The following ARFGEF1 variants were observed in gnomAD, a reference collection of about 807,000 sequenced individuals.
ARFGEF1 encodes the protein brefeldin A-inhibited guanine nucleotide-exchange protein 1.
In ARFGEF1, 42 loss-of-function variants were observed where a neutral mutation model predicts 231.0. The observed-to-expected ratio is 0.18, with a 90% CI of 0.14 to 0.24. The LOEUF (loss-of-function observed/expected upper bound fraction) is 0.24, where lower values mean the gene tolerates loss of function less well. Among genes scored for constraint, ARFGEF1 ranks in the 10% least tolerant of loss-of-function variants. The pLI is 1.00. For synonymous variants in ARFGEF1, 710 were observed against 732.3 expected (o/e 0.97, Z 0.49); for missense variants, 1,345 against 2,192.0 (o/e 0.61, Z 7.72).
intron 14 of ARFGEF1, among the ~76,000 whole-genome samples, chr8:67,261,282 G>GC (rs2128891097): frequency 6.6e-6 from 1 of 152,364 alleles, no homozygotes; most frequent in East Asian, 1.9e-4. Context: ...GGGAGGAGAA[G>GC]TTAATGCCTG....
At chr8:67,293,434 C>CA (rs768604190) in intron 5 of ARFGEF1, among the ~76,000 whole-genome samples, 10 of 151,870 alleles carry the variant, frequency 6.6e-5, no homozygotes, top group Non-Finnish European at 1.5e-4. Context: ...TAAAAAGTGA[C>CA]AAAAATATTT....
At chr8:67,339,048 G>A (rs550784459) in intron 1 of ARFGEF1, among the ~76,000 whole-genome samples, 223 of 152,244 alleles carry the variant, frequency 1.5e-3, no homozygotes, top group African/African-American at 5.1e-3. Flanking sequence ...AGGGGCAGAA[G>A]GAAGCAAGTT....
At chr8:67,201,998 G>C (rs1838346987) in intron 36 of ARFGEF1, 1 of 189,638 alleles carries the variant, frequency 5.3e-6, no homozygotes, top group Non-Finnish European at 1.1e-5. Flanking sequence ...GGCTCTATCA[G>C]CTCAGCAGGA....
chr8:67,236,360 A>AAAAAAAAATAT (rs1839747347), intron 22 of ARFGEF1, among the ~76,000 whole-genome samples: 1 of 43,276 alleles, frequency 2.3e-5, no homozygotes, highest in African/African-American at 1.1e-4. Context: ...AAAAAAAAAA[A>AAAAAAAAATAT]AAAAAATATA....
chr8:67,232,547 G>C (rs1020802214), intron 23 of ARFGEF1, among the ~76,000 whole-genome samples: 1 of 151,920 alleles, frequency 6.6e-6, no homozygotes, highest in African/African-American at 2.4e-5. Flanking sequence ...GGGATAATAA[G>C]GGGAATAAGT....
At chr8:67,272,543 T>C (rs552024066) in intron 9 of ARFGEF1, among the ~76,000 whole-genome samples, 1 of 152,072 alleles carries the variant, frequency 6.6e-6, no homozygotes, top group South Asian at 2.1e-4. Context: ...AAGAAAAAAA[T>C]AGTGTGAAGA....
At chr8:67,309,413 T>C (rs1054886423) in intron 1 of ARFGEF1, among the ~76,000 whole-genome samples, 12 of 152,254 alleles carry the variant, frequency 7.9e-5, no homozygotes, top group Non-Finnish European at 1.5e-4. Flanking sequence ...AGTTACATAG[T>C]ATGCAGACAT....
rs371831855 is a variant in ARFGEF1 at position 67,338,708 on chromosome 8, C to T, written c.124+4456G>A. ...AGAAAAGAACAAATACAAATAGGAT[C>T]AATCTTTCGGTTATGTCATTAATTA... On this transcript the variant is annotated intron_variant, in intron 1 of 38. Transcript: ENST00000262215. Among the ~76,000 whole-genome samples the T allele has an allele frequency of 8.5e-4, 130 of 152,324 alleles. 2 individuals carry two copies. Among genetic ancestry groups the T allele is most frequent in the South Asian group, 2.3e-3 (11 of 4,828 alleles).
intron 5 of ARFGEF1, among the ~76,000 whole-genome samples, chr8:67,188,925 T>C (rs186151318): frequency 4.2e-4 from 64 of 152,282 alleles, no homozygotes; most frequent in Non-Finnish European, 8.8e-4. Context: ...CAAGATTCCA[T>C]TCCTTGGAAT....
chr8:67,231,458 T>C (rs1839550214), intron 23 of ARFGEF1, among the ~76,000 whole-genome samples: 1 of 152,074 alleles, frequency 6.6e-6, no homozygotes, highest in Non-Finnish European at 1.5e-5. Context: ...AGAGGTAATT[T>C]CAAATGAGTA....
intron 29 of ARFGEF1, among the ~76,000 whole-genome samples, chr8:67,221,088 C>T (rs998608029): frequency 2.6e-5 from 4 of 152,050 alleles, no homozygotes; most frequent in African/African-American, 9.7e-5. Flanking sequence ...GATTGTAGGG[C>T]AACACTTTAC....
intron 1 of ARFGEF1, among the ~76,000 whole-genome samples, chr8:67,336,039 G>A (rs149586102): frequency 0.016 from 2,371 of 152,290 alleles, 63 homozygotes; most frequent in African/African-American, 0.053. Flanking sequence ...GTGAGCCACC[G>A]CGCCCGGCCA....
chr8:67,261,948 C>A, intron 14 of ARFGEF1, among the ~76,000 whole-genome samples: 1 of 151,722 alleles, frequency 6.6e-6, no homozygotes, highest in East Asian at 1.9e-4. Context: ...AGCTACCATG[C>A]CAGGCTAACT....
intron 3 of ARFGEF1, among the ~76,000 whole-genome samples, chr8:67,300,536 T>G (rs1806431676): frequency 6.6e-6 from 1 of 151,802 alleles, no homozygotes; most frequent in South Asian, 2.1e-4. Flanking sequence ...AAACAGACAC[T>G]GGCCAGGCAC....
intron 1 of ARFGEF1, among the ~76,000 whole-genome samples, chr8:67,338,698 C>G (rs956646587): frequency 1.3e-5 from 2 of 152,162 alleles, no homozygotes; most frequent in Non-Finnish European, 2.9e-5. Context: ...AGAACAAATA[C>G]AAATAGGATC....
intron 1 of ARFGEF1, among the ~76,000 whole-genome samples, chr8:67,316,291 A>C (rs1807312536): frequency 6.6e-6 from 1 of 152,184 alleles, no homozygotes; most frequent in Admixed American, 6.5e-5. Flanking sequence ...AAAAACTACC[A>C]AAAATGAAAT....
At chr8:67,254,067 G>A (rs1840378886) in intron 17 of ARFGEF1, among the ~76,000 whole-genome samples, 1 of 152,184 alleles carries the variant, frequency 6.6e-6, no homozygotes, top group Non-Finnish European at 1.5e-5. Context: ...CAATACTTGA[G>A]ATTTATTTAA....
intron 1 of ARFGEF1, among the ~76,000 whole-genome samples, chr8:67,322,543 A>G (rs1315486126): frequency 6.6e-6 from 1 of 152,160 alleles, no homozygotes; most frequent in African/African-American, 2.4e-5. Context: ...CAAAAAGTTA[A>G]AGAAAAAATT....
At chr8:67,277,876 T>C (rs1042354189) in intron 7 of ARFGEF1, among the ~76,000 whole-genome samples, 1 of 152,238 alleles carries the variant, frequency 6.6e-6, no homozygotes, top group Non-Finnish European at 1.5e-5. Context: ...AAGTTGCTAA[T>C]ATGTACAAAA....
Sources: gnomAD v4.1 joint callset for allele counts (sites outside exome capture counted in the v4.1 genomes callset) on GRCh38, gnomAD v4.1.1 for gene constraint, MANE v1.5 for transcripts, NCBI Gene and HGNC (gene_info 2026-07-23, HGNC 2026-07-21) for gene names.